Variants in CHD6 observed in about 807,000 individuals in gnomAD.
CHD6 encodes the protein chromodomain helicase DNA binding protein 6.
In CHD6, 50 loss-of-function variants were observed where a neutral mutation model predicts 276.9. That is an observed-to-expected ratio of 0.18 (90% CI 0.14 to 0.23). The LOEUF is 0.23. CHD6 is among the 10% of genes least tolerant of loss of function. The pLI is 1.00. For synonymous variants in CHD6, 1,173 were observed against 1,229.3 expected (o/e 0.95, Z 0.96); for missense variants, 2,564 against 3,365.8 (o/e 0.76, Z 5.89).
Position 41,455,730 on chromosome 20 carries a change from A to G in CHD6, c.3009+70T>C. On this transcript the variant is annotated intron_variant, in intron 19 of 36. Coordinates refer to ENST00000373233, the MANE Select transcript of CHD6 (RefSeq NM_032221.5). Reference sequence around the variant, plus strand: ...ATTCAGAGAAACAGAAGCCCTGCTAATGGGTTTCAGAGAATAAACATTTTT... The same window carrying G: ...ATTCAGAGAAACAGAAGCCCTGCTAGTGGGTTTCAGAGAATAAACATTTTT... 2.9e-6 allele frequency: 3 copies of G among 1,049,854 alleles called. No individual in the cohort carries two copies. In the South Asian group the frequency reaches 6.8e-5, roughly 24 times the overall value. The allele number at this position is 1,049,854 out of a possible 1,614,324, so 65.0% of individuals were successfully genotyped here. A position where few individuals can be genotyped will look rare whatever the true frequency, so the allele number is the denominator to read the frequency against.
chr20:41,415,787 A>G, intron 33 of CHD6, 149 bp from the exon 34 acceptor site: 1 of 627,420 alleles, frequency 1.6e-6, no homozygotes, highest in Non-Finnish European at 2.7e-6. Flanking sequence ...TCAAACCTGA[A>G]CAGCTTGTTA....
At position 41,404,843 on chromosome 20, in the gene CHD6, C is replaced by T; in HGVS notation, c.7898G>A (p.Gly2633Asp). 1 of 1,614,006 alleles carries T rather than the reference C, an allele frequency of 6.2e-7. No individual in the cohort carries two copies. The highest frequency in any genetic ancestry group is 8.5e-7 in the Non-Finnish European group (1 of 1,180,006). ...YPSMFLSPGM[G>D]MALPAMQQAR... ...CTGCTGCATGGCTGGCAGAGCCATG[C>T]CCATACCAGGGGAGAGGAACATGGA... The change falls in exon 37 of 37, where the codon GGC (glycine) becomes GAC (aspartate). Residue 2633 changes from glycine (G) to aspartate (D), a missense_variant. Physicochemically the swap from Gly to Asp is moderately conservative, Grantham distance 94. Transcript: ENST00000373233.
chr20:41,506,881 A>C (rs1458862310), intron 5 of CHD6, among the ~76,000 whole-genome samples: 2 of 152,218 alleles, frequency 1.3e-5, no homozygotes, highest in Non-Finnish European at 2.9e-5. Context: ...ATACTTCTGA[A>C]TAAATAATGT....
Position 41,498,229 on chromosome 20 carries a change from G to T in CHD6, c.916-3C>A. The stretch of plus-strand genomic sequence containing the variant: ...AACGGAGGTTCTCCTGGGTGAACCT[G>T]TAACAAACAGCAAGCAGTTATCAGC... On this transcript the variant is annotated splice_polypyrimidine_tract_variant and splice_region_variant and intron_variant, in intron 6 of 36. Transcript: ENST00000373233. 1 of 1,607,858 alleles carries T rather than the reference G, an allele frequency of 6.2e-7. No homozygotes were observed. The highest frequency in any genetic ancestry group is 8.5e-7 in the Non-Finnish European group (1 of 1,177,050).
chr20:41,556,326 C>CTTT (rs537227082), intron 1 of CHD6, among the ~76,000 whole-genome samples: 25,258 of 102,088 alleles, frequency 0.25, 6,229 homozygotes, highest in African/African-American at 0.46. Context: ...GAGAGGGCAC[C>CTTT]TTTTTTTTTT....
chr20:41,510,791 C>T (rs1299618709), intron 5 of CHD6, among the ~76,000 whole-genome samples: 1 of 152,200 alleles, frequency 6.6e-6, no homozygotes, highest in African/African-American at 2.4e-5. Flanking sequence ...AACTACCAAA[C>T]CAACCATAAC....
At chr20:41,506,392 G>A (rs972589651) in intron 5 of CHD6, among the ~76,000 whole-genome samples, 1 of 151,968 alleles carries the variant, frequency 6.6e-6, no homozygotes. Context: ...TGCATACCAA[G>A]CATGCCTCTA....
Position 41,404,036 on chromosome 20 carries a change from G to T in CHD6, c.*557C>A. On this transcript the variant is annotated 3_prime_UTR_variant, in exon 37 of 37. Transcript: ENST00000373233. ...GTTTTTTATAAAGAAATGAATATAT[G>T]TATTTTCAACCATTAGTTATATACT... 3.8e-6 allele frequency: 4 copies of T among 1,047,044 alleles called. No individual in the cohort carries two copies. The highest frequency in any genetic ancestry group is 4.6e-6 in the Non-Finnish European group (4 of 866,718). 64.9% of individuals were successfully genotyped at this position (1,047,044 alleles called of 1,614,324 possible). A position where few individuals can be genotyped will look rare whatever the true frequency, so the allele number is the denominator to read the frequency against.
At chr20:41,428,736 A>C (rs2047441418) in intron 27 of CHD6, among the ~76,000 whole-genome samples, 1 of 152,234 alleles carries the variant, frequency 6.6e-6, no homozygotes, top group Admixed American at 6.5e-5. Flanking sequence ...TATTATGGAA[A>C]GACTGCAGAA....
Position 41,497,440 on chromosome 20 carries a change from G to A in CHD6, c.1036C>T (p.Gln346Ter). The A allele has an allele frequency of 6.2e-7, 1 of 1,613,844 alleles. No homozygotes were observed. Among genetic ancestry groups the A allele is most frequent in the Non-Finnish European group, 8.5e-7 (1 of 1,179,844 alleles). The change falls in exon 8 of 37, where the codon CAG (glutamine) becomes TAG (stop). Residue 346 changes from glutamine to a stop codon, truncating the protein, a stop_gained. Coordinates refer to ENST00000373233, the MANE Select transcript of CHD6 (RefSeq NM_032221.5). LOFTEE classifies it high-confidence loss of function. ...EELEKDPRIA[Q>*]KIKRFRNKQA... The stretch of plus-strand genomic sequence containing the variant: ...TTATTCCTAAATCGCTTGATCTTCT[G>A]TGCGATGCGAGGATCCTTTTCGAGC...
intron 19 of CHD6, 53 bp from the exon 20 acceptor site, chr20:41,454,789 T>C (rs1022060679): frequency 8.8e-6 from 11 of 1,250,480 alleles, no homozygotes; most frequent in Non-Finnish European, 1.3e-5. Flanking sequence ...TACAAACTAA[T>C]AAAACACCAG....
intron 2 of CHD6, among the ~76,000 whole-genome samples, chr20:41,547,265 T>C (rs1477309288): frequency 1.3e-5 from 2 of 152,224 alleles, no homozygotes; most frequent in Non-Finnish European, 2.9e-5. Context: ...ATTACCCCAC[T>C]TAATCCTAAT....
intron 1 of CHD6, among the ~76,000 whole-genome samples, chr20:41,581,360 T>C (rs560007504): frequency 1.3e-5 from 2 of 152,262 alleles, no homozygotes; most frequent in South Asian, 4.1e-4. Context: ...CTGCACATGA[T>C]AGGCCTGCCA....
At chr20:41,413,263 AAATAGCAAC>A in intron 35 of CHD6, 52 bp downstream of exon 35, 3 of 1,380,728 alleles carry the variant, frequency 2.2e-6, no homozygotes, top group Non-Finnish European at 2.9e-6. Context: ...CTTTCATCAA[AAATAGCAAC>A]AAGTCAGCAG....
chr20:41,483,149 T>A (rs951975991), intron 16 of CHD6, among the ~76,000 whole-genome samples, 160 bp downstream of exon 16: 1 of 152,180 alleles, frequency 6.6e-6, no homozygotes, highest in Non-Finnish European at 1.5e-5. Context: ...CATTTGGTCA[T>A]AAAATTTAAC....
At chr20:41,427,520 C>T (rs2047403477) in intron 27 of CHD6, among the ~76,000 whole-genome samples, 2 of 152,282 alleles carry the variant, frequency 1.3e-5, no homozygotes, top group South Asian at 4.1e-4. Flanking sequence ...GGTCACACAG[C>T]TGGCAAGTGG....
intron 5 of CHD6, among the ~76,000 whole-genome samples, chr20:41,505,843 G>T (rs972070316): frequency 1.3e-5 from 2 of 151,874 alleles, no homozygotes; most frequent in African/African-American, 4.8e-5. Flanking sequence ...ATCTCCACTT[G>T]AGTATCTCAG....
intron 1 of CHD6, among the ~76,000 whole-genome samples, chr20:41,579,437 C>CAGAAAAAAAAAA (rs2045512084): frequency 1.4e-5 from 1 of 69,976 alleles, no homozygotes; most frequent in Admixed American, 1.6e-4. Flanking sequence ...GACTCTGTCT[C>CAGAAAAAAAAAA]AAAAAAAAAA....
intron 1 of CHD6, among the ~76,000 whole-genome samples, chr20:41,586,632 A>G (rs2045598199): frequency 6.6e-6 from 1 of 152,204 alleles, no homozygotes; most frequent in Non-Finnish European, 1.5e-5. Context: ...ACAATAATAC[A>G]TCAAGATCAA....
Sources: gnomAD v4.1 joint callset for allele counts (sites outside exome capture counted in the v4.1 genomes callset) on GRCh38, gnomAD v4.1.1 for gene constraint, MANE v1.5 for transcripts, NCBI Gene and HGNC (gene_info 2026-07-23, HGNC 2026-07-21) for gene names.